HEATR5B: variants seen among roughly 807,000 people sequenced by gnomAD.
HEATR5B encodes HEAT repeat containing 5B.
Under a neutral mutation model 224.1 loss-of-function variants are expected in HEATR5B, and 156 were observed. The ratio of observed to expected loss-of-function variants is 0.70; its 90% CI spans 0.61 to 0.80. The LOEUF (loss-of-function observed/expected upper bound fraction) is 0.80, where lower values mean the gene tolerates loss of function less well. Among genes scored for constraint, HEATR5B ranks in the 30% least tolerant of loss-of-function variants. HEATR5B has a pLI of 0.00. For synonymous variants in HEATR5B, 1,027 were observed against 893.0 expected (o/e 1.15, Z -2.68); for missense variants, 2,323 against 2,535.5 (o/e 0.92, Z 1.80).
chr2:37,008,649 G>C lies in HEATR5B; in HGVS notation c.4484C>G (p.Thr1495Ser), dbSNP rs780432622. 2 of 1,613,974 alleles carry C rather than the reference G, an allele frequency of 1.2e-6. No homozygotes were observed. Among genetic ancestry groups the C allele is most frequent in the African/African-American group, 2.7e-5 (2 of 74,928 alleles). The change falls in exon 28 of 36, where the codon ACT (threonine) becomes AGT (serine). Residue 1495 changes from threonine (T) to serine (S), a missense_variant. By Grantham distance (58) the Thr-to-Ser change is moderately conservative. Around this residue, in one of 12 missense-constraint regions of HEATR5B, gnomAD observed 844 missense variants for 812.9 expected, o/e 1.04. Transcript: ENST00000233099. ...LAALKDYALL[T>S]LPAEFSSQLP... Reference sequence around the variant, plus strand: ...CTGACTAGAAAATTCGGCTGGTAAAGTCAAGAGTGCATAATCTTTTAATGC... The same window carrying C: ...CTGACTAGAAAATTCGGCTGGTAAACTCAAGAGTGCATAATCTTTTAATGC...
chr2:37,034,700 G>A (rs909700625), intron 21 of HEATR5B, among the ~76,000 whole-genome samples: 11 of 148,818 alleles, frequency 7.4e-5, no homozygotes, highest in Admixed American at 1.3e-4. Flanking sequence ...TCAACCTCTC[G>A]GGCTCAAGCG....
At chr2:37,072,494 T>C (rs1310566028) in intron 5 of HEATR5B, among the ~76,000 whole-genome samples, 5 of 152,168 alleles carry the variant, frequency 3.3e-5, no homozygotes, top group African/African-American at 1.2e-4. Context: ...GCCTACTGCC[T>C]TGAGAGAGTT....
At chr2:37,066,589 C>T (rs1159233725) in intron 8 of HEATR5B, among the ~76,000 whole-genome samples, 2 of 152,126 alleles carry the variant, frequency 1.3e-5, no homozygotes, top group Non-Finnish European at 2.9e-5. Flanking sequence ...AACCTTTTAG[C>T]TTCCACTAGA....
intron 13 of HEATR5B, 98 bp downstream of exon 13, chr2:37,058,789 GT>G (rs1572907688): frequency 1.3e-6 from 1 of 773,000 alleles, no homozygotes; most frequent in African/African-American, 1.8e-5. Context: ...AAAGTTTTAT[GT>G]TTCCTAGATG....
At chr2:37,061,054 T>C (rs1288141351) in intron 11 of HEATR5B, among the ~76,000 whole-genome samples, 6 of 152,166 alleles carry the variant, frequency 3.9e-5, no homozygotes, top group South Asian at 2.1e-4. Context: ...GAATGGTGGA[T>C]TGCATATTAT....
At chr2:37,035,937 A>G (rs1669448783) in intron 21 of HEATR5B, among the ~76,000 whole-genome samples, 1 of 152,182 alleles carries the variant, frequency 6.6e-6, no homozygotes, top group Non-Finnish European at 1.5e-5. Context: ...TTACATTACT[A>G]TACTCAAGTC....
At chr2:37,060,164 G>A (rs865815675) in intron 12 of HEATR5B, among the ~76,000 whole-genome samples, 1 of 152,184 alleles carries the variant, frequency 6.6e-6, no homozygotes, top group Non-Finnish European at 1.5e-5. Context: ...TGATAAGGAT[G>A]TGAAAAAACA....
chr2:37,013,001 T>C (rs1023911866), intron 27 of HEATR5B, among the ~76,000 whole-genome samples: 1 of 152,184 alleles, frequency 6.6e-6, no homozygotes, highest in Admixed American at 6.6e-5. Flanking sequence ...ACGTAATATA[T>C]CTCACCCCCG....
At position 36,980,921 on chromosome 2, in the gene HEATR5B, G is replaced by A. The variant is rs1665544109; in HGVS notation, c.*569C>T. 6.6e-6 allele frequency: 1 copy of A among 151,926 alleles called. No homozygotes were observed. The highest frequency in any genetic ancestry group is 6.6e-5 in the Admixed American group (1 of 15,248). 9.4% of individuals were successfully genotyped at this position (151,926 alleles called of 1,614,324 possible). A position where few individuals can be genotyped will look rare whatever the true frequency, so the allele number is the denominator to read the frequency against. On this transcript the variant is annotated 3_prime_UTR_variant, in exon 36 of 36. Transcript: ENST00000233099. Reference sequence around the variant, plus strand: ...GAACCTTTAAATGAGAATTTTAATTGTTACCAACTAAAATATACATAGCAT... The same window carrying A: ...GAACCTTTAAATGAGAATTTTAATTATTACCAACTAAAATATACATAGCAT...
rs371844742 is a variant in HEATR5B, at chr2:37,061,890, C to T, written c.1696+49G>A. 2.6e-4 allele frequency: 272 copies of T among 1,056,588 alleles called. 1 individual carries two copies. Among genetic ancestry groups the T allele is most frequent in the South Asian group, 5.6e-4 (42 of 75,478 alleles). 65.5% of individuals were successfully genotyped at this position (1,056,588 alleles called of 1,614,324 possible). ...TTTTAAATTAAATTTGCTTTACAGG[C>T]TACTGACAGTTATAGCGTGACAAAA... On this transcript the variant is annotated intron_variant, in intron 11 of 35. Coordinates refer to ENST00000233099, the MANE Select transcript of HEATR5B (RefSeq NM_019024.3).
chr2:37,075,775 T>A (rs1255957185), intron 4 of HEATR5B, 141 bp from the exon 5 acceptor site: 3 of 517,118 alleles, frequency 5.8e-6, no homozygotes, highest in Non-Finnish European at 9.9e-6. Context: ...ACAATAAAAT[T>A]AAGTATTCTA....
chr2:37,005,490 G>T, intron 30 of HEATR5B, 142 bp downstream of exon 30: 1 of 748,604 alleles, frequency 1.3e-6, no homozygotes, highest in Non-Finnish European at 2.2e-6. Context: ...AAAGTAACTG[G>T]GTGAATAAAT....
intron 21 of HEATR5B, 82 bp from the exon 22 acceptor site, chr2:37,032,855 TAC>T: frequency 3.0e-6 from 3 of 1,007,146 alleles, no homozygotes; most frequent in Non-Finnish European, 4.3e-6. Context: ...AATATATATA[TAC>T]ATACATACAT....
intron 2 of HEATR5B, among the ~76,000 whole-genome samples, chr2:37,080,305 G>A (rs1476391893): frequency 1.3e-5 from 2 of 152,122 alleles, no homozygotes; most frequent in Non-Finnish European, 2.9e-5. Flanking sequence ...GAGGAGGGTC[G>A]TGATCTAAAT....
rs78405339 is a variant in HEATR5B, at chr2:37,072,476, C to A, written c.598-195G>T. Among the ~76,000 whole-genome samples, 466 of 152,294 alleles carry A rather than the reference C, an allele frequency of 3.1e-3. 3 individuals are homozygous for A. Among genetic ancestry groups the A allele is most frequent in the Non-Finnish European group, 5.2e-3 (354 of 68,002 alleles). Reference sequence around the variant, plus strand: ...GAAAAAAACAAGATGAACCCTACAACTGTCCCAGCCTACTGCCTTGAGAGA... The same window carrying A: ...GAAAAAAACAAGATGAACCCTACAAATGTCCCAGCCTACTGCCTTGAGAGA... On this transcript the variant is annotated intron_variant, in intron 5 of 35. Coordinates refer to ENST00000233099, the MANE Select transcript of HEATR5B (RefSeq NM_019024.3).
chr2:37,024,065 T>A (rs963256539), intron 24 of HEATR5B, among the ~76,000 whole-genome samples: 1 of 152,258 alleles, frequency 6.6e-6, no homozygotes, highest in Admixed American at 6.5e-5. Flanking sequence ...GGAACACTAT[T>A]CAGCCATAGA....
intron 30 of HEATR5B, 134 bp from the exon 31 acceptor site, chr2:37,003,820 C>A: frequency 2.0e-6 from 1 of 497,614 alleles, no homozygotes; most frequent in Non-Finnish European, 3.4e-6. Flanking sequence ...GACTACGTAA[C>A]AAATAAGAAC....
Position 37,064,736 on chromosome 2 carries a change from A to C in HEATR5B, c.1584+4T>G, listed in dbSNP as rs373089452. ...CATTCCCAAGTCTAGGATCTCCGTCATACCTTTCCTTTGGCATGAGGAATG... is the reference window on the plus strand; with the variant it reads ...CATTCCCAAGTCTAGGATCTCCGTCCTACCTTTCCTTTGGCATGAGGAATG... On this transcript the variant is annotated splice_donor_region_variant and intron_variant, in intron 10 of 35. Transcript: ENST00000233099. The C allele has an allele frequency of 2.5e-6, 4 of 1,613,876 alleles. No homozygotes were observed. The East Asian group carries it at 8.9e-5, about 36-fold the overall frequency.
At chr2:37,034,981 C>G (rs1203481613) in intron 21 of HEATR5B, among the ~76,000 whole-genome samples, 3 of 152,232 alleles carry the variant, frequency 2.0e-5, no homozygotes, top group Non-Finnish European at 4.4e-5. Context: ...GTCACTTAGT[C>G]TCTTGAAGTT....
Sources: allele counts gnomAD v4.1 joint callset (sites outside exome capture counted in the v4.1 genomes callset), GRCh38; gene constraint gnomAD v4.1.1; regional missense constraint gnomAD v4.1.1; transcripts MANE v1.5; gene names NCBI Gene and HGNC (gene_info 2026-07-23, HGNC 2026-07-21).